The following LSS variants were observed in gnomAD, a reference collection of about 807,000 sequenced individuals.
LSS encodes the protein 2,3-epoxysqualene-lanosterol cyclase.
Under a neutral mutation model 110.3 loss-of-function variants are expected in LSS, and 90 were observed. The observed-to-expected ratio is 0.82, with a 90% CI of 0.69 to 0.97. LSS has a LOEUF of 0.97. LSS is among the 50% of genes least tolerant of loss of function. The pLI, the probability that LSS is intolerant of heterozygous loss-of-function variation, is 0.00. For synonymous variants in LSS, 433 were observed against 400.0 expected (o/e 1.08, Z -0.98); for missense variants, 927 against 990.0 (o/e 0.94, Z 0.85).
chr21:46,220,653 A>G (rs1442413913), intron 5 of LSS, among the ~76,000 whole-genome samples: 2 of 152,216 alleles, frequency 1.3e-5, no homozygotes, highest in Non-Finnish European at 2.9e-5. Context: ...CAGAGCCACA[A>G]CATAAACTAG....
At chr21:46,207,334 T>G in intron 15 of LSS, 94 bp downstream of exon 15, 1 of 1,472,218 alleles carries the variant, frequency 6.8e-7, no homozygotes, top group Non-Finnish European at 9.2e-7. Context: ...GGCCGGACTG[T>G]GTGCTGGGCT....
rs1415465972 is a variant in LSS at position 46,202,123 on chromosome 21, G to A, written c.1670+3713C>T. Among the ~76,000 whole-genome samples the A allele has an allele frequency of 2.9e-3, 398 of 139,186 alleles. 2 individuals are homozygous for A. Among genetic ancestry groups the A allele is most frequent in the African/African-American group, 9.3e-3 (359 of 38,436 alleles). 91.3% of individuals were successfully genotyped at this position (139,186 alleles called of 152,430 possible). ...TAAAATCTTAATATAGGCCGGGCGC[G>A]GTGGCTCACGCCTGTAATCCCAGCA... is the stretch of plus-strand genomic sequence containing the variant. On this transcript the variant is annotated intron_variant, in intron 17 of 21. Transcript: ENST00000397728.
chr21:46,226,720 T>C (rs2080345182), intron 3 of LSS, among the ~76,000 whole-genome samples: 1 of 152,192 alleles, frequency 6.6e-6, no homozygotes, highest in African/African-American at 2.4e-5. Context: ...CAAACTAACA[T>C]ATAAGCCTAT....
At chr21:46,195,600 T>C (rs2079898629) in intron 19 of LSS, 76 bp downstream of exon 19, 2 of 1,337,332 alleles carry the variant, frequency 1.5e-6, no homozygotes, top group South Asian at 1.2e-5. Flanking sequence ...TAAAACCAAA[T>C]GTCAAAGCAA....
intron 6 of LSS, among the ~76,000 whole-genome samples, chr21:46,218,547 C>G (rs952160806): frequency 1.3e-5 from 2 of 152,042 alleles, no homozygotes; most frequent in East Asian, 3.9e-4. Flanking sequence ...TTGCTTGAAT[C>G]CAGGAGGCGG....
intron 4 of LSS, 57 bp from the exon 5 acceptor site, chr21:46,222,032 A>C: frequency 1.3e-6 from 2 of 1,592,460 alleles, no homozygotes; most frequent in Non-Finnish European, 1.7e-6. Context: ...CTAAGAAATA[A>C]AGCAAAACTT....
chr21:46,210,638 C>T (rs751508511), intron 12 of LSS, 50 bp downstream of exon 12: 45 of 1,589,442 alleles, frequency 2.8e-5, no homozygotes, highest in South Asian at 3.3e-5. Flanking sequence ...CGTGGGCTCA[C>T]GTGCACAGGA....
At chr21:46,197,898 A>G (rs76118281) in intron 17 of LSS, among the ~76,000 whole-genome samples, 1 of 151,656 alleles carries the variant, frequency 6.6e-6, no homozygotes, top group African/African-American at 2.4e-5. Context: ...AAAAAAAAAC[A>G]AAAAACAAAA....
In LSS at chr21:46,228,742, T is replaced by C; in HGVS notation, c.4A>G (p.Thr2Ala). 1 of 1,597,262 alleles carries C rather than the reference T, an allele frequency of 6.3e-7. No individual in the cohort carries two copies. The highest frequency in any genetic ancestry group is 8.5e-7 in the Non-Finnish European group (1 of 1,177,350). Reference sequence around the variant, plus strand: ...GGCGAGGGGACTCACGTGCCCTCCGTCATTGCTGCTGCAGTGCTCTACGCC... The same window carrying C: ...GGCGAGGGGACTCACGTGCCCTCCGCCATTGCTGCTGCAGTGCTCTACGCC... The part of the protein sequence containing the change: M[T>A]EGTCLRRRGG... The change falls in exon 1 of 22, where the codon ACG (threonine) becomes GCG (alanine). Residue 2 changes from threonine (T) to alanine (A), a missense_variant. By Grantham distance (58) the Thr-to-Ala change is moderately conservative. Coordinates refer to ENST00000397728, the MANE Select transcript of LSS (RefSeq NM_002340.6).
rs776229115 is a variant in LSS, at chr21:46,222,619, G to A, written c.428+11C>T. On this transcript the variant is annotated intron_variant, in intron 4 of 21. Coordinates refer to ENST00000397728, the MANE Select transcript of LSS (RefSeq NM_002340.6). ...GCACATGTGCAGTGACACAGGGGCA[G>A]GCACACTCACAGGCCCCAGCCACCG... 10 of 1,608,972 alleles carry A rather than the reference G, an allele frequency of 6.2e-6. No individual in the cohort carries two copies. In the South Asian group the frequency reaches 1.1e-4, roughly 18 times the overall value.
chr21:46,194,439 T>C (rs2079877368), intron 20 of LSS, 52 bp downstream of exon 20: 3 of 1,602,648 alleles, frequency 1.9e-6, no homozygotes, highest in African/African-American at 1.3e-5. Flanking sequence ...CACAGCTGAG[T>C]GTCCCTCCTC....
Position 46,188,785 on chromosome 21 carries a change from G to C in LSS, c.*2319C>G, listed in dbSNP as rs1392285905. 4 of 471,326 alleles carry C rather than the reference G, an allele frequency of 8.5e-6. No homozygotes were observed. Among genetic ancestry groups the C allele is most frequent in the Non-Finnish European group, 1.3e-5 (3 of 227,070 alleles). 29.2% of individuals were successfully genotyped at this position (471,326 alleles called of 1,614,324 possible). ...CCTGCCTGTGTAATAACACCGAAGA[G>C]GGCAGGGAATCGCTGCGTCCTGTGA... On this transcript the variant is annotated 3_prime_UTR_variant, in exon 22 of 22. Coordinates refer to ENST00000397728, the MANE Select transcript of LSS (RefSeq NM_002340.6).
rs761333796 is a variant in LSS at position 46,192,868 on chromosome 21, C to T, written c.1989-909G>A. ...AGATGGGATACTGCGGGTGCATCTG[C>T]ATATGTGTGCACAGGTGCCTGTGCA... On this transcript the variant is annotated intron_variant, in intron 20 of 21. Coordinates refer to ENST00000397728, the MANE Select transcript of LSS (RefSeq NM_002340.6). 2,829 of 415,590 alleles carry T rather than the reference C, an allele frequency of 6.8e-3. 25 individuals are homozygous for T. Among genetic ancestry groups the T allele is most frequent in the Non-Finnish European group, 0.011 (2,182 of 201,916 alleles). The allele number at this position is 415,590 out of a possible 1,614,324, so 25.7% of individuals were successfully genotyped here. A position where few individuals can be genotyped will look rare whatever the true frequency, so the allele number is the denominator to read the frequency against.
intron 17 of LSS, among the ~76,000 whole-genome samples, chr21:46,202,393 CAAA>C (rs552183189): frequency 1.1e-5 from 1 of 87,292 alleles, no homozygotes; most frequent in Non-Finnish European, 2.4e-5. Context: ...GACTCCGTCT[CAAA>C]AAAAAAAAAA....
chr21:46,219,496 A>G lies in LSS; in HGVS notation c.627T>C (p.Asn209=). ...VLNVYSWEGL[N]TLFPEMWLFP... is the part of the protein sequence containing the mutation. Reference sequence around the variant, plus strand: ...CATACCACATCTCTGGGAACAGGGTATTGAGGCCTTCCCAGCTGTAAACAT... The same window carrying G: ...CATACCACATCTCTGGGAACAGGGTGTTGAGGCCTTCCCAGCTGTAAACAT... The change falls in exon 6 of 22, where the codon AAT becomes AAC. Residue 209 remains asparagine (N), a synonymous_variant. Coordinates refer to ENST00000397728, the MANE Select transcript of LSS (RefSeq NM_002340.6). 6.2e-7 allele frequency: 1 copy of G among 1,600,922 alleles called. No individual in the cohort carries two copies. Among genetic ancestry groups the G allele is most frequent in the Non-Finnish European group, 8.5e-7 (1 of 1,173,784 alleles).
chr21:46,193,748 C>A (rs1378086143), intron 20 of LSS: 1 of 451,174 alleles, frequency 2.2e-6, no homozygotes, highest in Admixed American at 2.4e-5. Context: ...GTGCACAGAC[C>A]TGTGTGTGCA....
chr21:46,192,447 T>A (rs1292028661), intron 20 of LSS: 50 of 451,360 alleles, frequency 1.1e-4, no homozygotes, highest in Non-Finnish European at 3.6e-5. Context: ...CTTTTAGGGT[T>A]TTAGGAAGAT....
At chr21:46,228,628 G>A in intron 1 of LSS, 29 bp from the exon 2 acceptor site, 6 of 1,592,706 alleles carry the variant, frequency 3.8e-6, no homozygotes, top group Non-Finnish European at 5.1e-6. Flanking sequence ...CAGCGACCCA[G>A]GCCCCGCCCC....
At chr21:46,211,356 C>A (rs1163078943) in intron 11 of LSS, among the ~76,000 whole-genome samples, 1 of 152,170 alleles carries the variant, frequency 6.6e-6, no homozygotes, top group Non-Finnish European at 1.5e-5. Flanking sequence ...GTCTCTATCT[C>A]CTGACCTTGT....
Sources: gnomAD v4.1 joint callset for allele counts (sites outside exome capture counted in the v4.1 genomes callset) on GRCh38, gnomAD v4.1.1 for gene constraint, MANE v1.5 for transcripts, NCBI Gene and HGNC (gene_info 2026-07-23, HGNC 2026-07-21) for gene names.